ZNF560: variants seen among roughly 807,000 people sequenced by gnomAD.
The protein encoded by ZNF560 is zinc finger protein 560.
In ZNF560, 54 loss-of-function variants were observed where a neutral mutation model predicts 81.8. The observed-to-expected ratio is 0.66, with a 90% CI of 0.53 to 0.83. The LOEUF (loss-of-function observed/expected upper bound fraction) is 0.83. Among genes scored for constraint, ZNF560 ranks in the 40% least tolerant of loss-of-function variants. The probability of loss-of-function intolerance (pLI) is 0.00; values close to 1 mark genes in which losing one functional copy is unlikely to be tolerated. For missense variants in ZNF560, 940 were observed against 932.4 expected (o/e 1.01, Z -0.11); for synonymous variants, 321 against 317.9 (o/e 1.01, Z -0.10).
intron 2 of ZNF560, among the ~76,000 whole-genome samples, chr19:9,489,177 G>T (rs1323184322): frequency 6.6e-6 from 1 of 152,238 alleles, no homozygotes; most frequent in African/African-American, 2.4e-5. Flanking sequence ...CACACACAAG[G>T]CTGTCACTTC....
intron 2 of ZNF560, among the ~76,000 whole-genome samples, chr19:9,480,494 C>T (rs543678897): frequency 6.6e-6 from 1 of 151,810 alleles, no homozygotes; most frequent in Non-Finnish European, 1.5e-5. Flanking sequence ...CTTAGAAGAA[C>T]AACAAGAACT....
chr19:9,504,711 C>G, the ZNF560 span, among the ~76,000 whole-genome samples: 50 of 152,292 alleles, frequency 3.3e-4, no homozygotes, highest in African/African-American at 1.1e-3. Flanking sequence ...TAAGTTTTGT[C>G]ATATAACTTT....
At chr19:9,488,561 T>C (rs1416922649) in intron 2 of ZNF560, among the ~76,000 whole-genome samples, 1 of 151,804 alleles carries the variant, frequency 6.6e-6, no homozygotes, top group Non-Finnish European at 1.5e-5. Context: ...TCCTAACTAG[T>C]CCAAAATCCA....
chr19:9,464,075 C>G (rs754474533), downstream of ZNF560, among the ~76,000 whole-genome samples: 1 of 152,178 alleles, frequency 6.6e-6, no homozygotes, highest in Non-Finnish European at 1.5e-5. Flanking sequence ...AAACAACAGC[C>G]TTAATTGCTG....
At chr19:9,499,171 T>C (rs2073609953), upstream of ZNF560, among the ~76,000 whole-genome samples, 1 of 152,140 alleles carries the variant, frequency 6.6e-6, no homozygotes, top group Non-Finnish European at 1.5e-5. Context: ...TTCTTTTTTC[T>C]TTTCTTTTCT....
chr19:9,470,450 A>G lies in ZNF560; in HGVS notation c.390T>C (p.Ala130=), dbSNP rs879028004. The G allele has an allele frequency of 4.3e-6, 7 of 1,614,000 alleles. No individual in the cohort carries two copies. Among genetic ancestry groups the G allele is most frequent in the Non-Finnish European group, 5.9e-6 (7 of 1,180,010 alleles). ...TQEEWTLLDP[A]QRNLYSDVML... is the part of the protein sequence containing the mutation. Reference sequence around the variant, plus strand: ...TCACATCACTGTACAGGTTTCTCTGAGCTGGGTCCAGTAAAGTCCACTCTT... The same window carrying G: ...TCACATCACTGTACAGGTTTCTCTGGGCTGGGTCCAGTAAAGTCCACTCTT... The change falls in exon 7 of 10, where the codon GCT becomes GCC. Residue 130 remains alanine (A), a synonymous_variant. Transcript: ENST00000301480.
At chr19:9,446,496 G>T in the ZNF560 span, among the ~76,000 whole-genome samples, 1 of 152,008 alleles carries the variant, frequency 6.6e-6, no homozygotes, top group Non-Finnish European at 1.5e-5. Flanking sequence ...GGGTTTACCT[G>T]TATAGTAGGC....
downstream of ZNF560, among the ~76,000 whole-genome samples, chr19:9,464,904 C>T (rs1438700331): frequency 6.6e-6 from 1 of 152,120 alleles, no homozygotes; most frequent in African/African-American, 2.4e-5. Context: ...TGCCCAGTTT[C>T]TCATAAGTGT....
At chr19:9,488,515 G>T (rs1371721448) in intron 2 of ZNF560, among the ~76,000 whole-genome samples, 2 of 151,842 alleles carry the variant, frequency 1.3e-5, no homozygotes, top group African/African-American at 4.8e-5. Flanking sequence ...TTCTCCTCAA[G>T]ATCCACACCA....
rs2073105376 is a variant in ZNF560 at position 9,470,538 on chromosome 19, C to T, written c.322-20G>A. The T allele has an allele frequency of 6.2e-7, 1 of 1,614,192 alleles. No individual in the cohort carries two copies. The highest frequency in any genetic ancestry group is 8.5e-7 in the Non-Finnish European group (1 of 1,180,030). On this transcript the variant is annotated intron_variant, in intron 6 of 9. Coordinates refer to ENST00000301480, the MANE Select transcript of ZNF560 (RefSeq NM_152476.3). The stretch of plus-strand genomic sequence containing the variant: ...CAGGTCCTAAACCATCAGACACATG[C>T]TGATTTGAGCCAAGCAACATCTCCA...
chr19:9,501,670 A>G (rs1474441865), upstream of ZNF560, among the ~76,000 whole-genome samples: 1 of 148,356 alleles, frequency 6.7e-6, no homozygotes, highest in Non-Finnish European at 1.5e-5. Flanking sequence ...TAATTTTTGT[A>G]TTTTTTTTTG....
intron 2 of ZNF560, among the ~76,000 whole-genome samples, chr19:9,490,881 C>T (rs1338206567): frequency 2.0e-5 from 3 of 152,148 alleles, no homozygotes; most frequent in Admixed American, 6.5e-5. Context: ...GAAGTCACAT[C>T]GACTTTGGAG....
chr19:9,464,494 C>T (rs897695518), downstream of ZNF560, among the ~76,000 whole-genome samples: 12 of 152,180 alleles, frequency 7.9e-5, no homozygotes, highest in African/African-American at 2.9e-4. Context: ...TCTGTTAGTG[C>T]ACCCTTTCTC....
intron 2 of ZNF560, among the ~76,000 whole-genome samples, chr19:9,496,895 C>T (rs562813841): frequency 6.6e-6 from 1 of 151,864 alleles, no homozygotes; most frequent in African/African-American, 2.4e-5. Context: ...GAGATCACAC[C>T]ACTGCACTCC....
chr19:9,458,229 CTT>C, the ZNF560 span, among the ~76,000 whole-genome samples: 16 of 152,314 alleles, frequency 1.1e-4, no homozygotes, highest in Middle Eastern at 3.4e-3. Context: ...ATTTAGCTGA[CTT>C]TGTGGGTATT....
chr19:9,465,720 C>T (rs1020591003), downstream of ZNF560, among the ~76,000 whole-genome samples: 41 of 152,172 alleles, frequency 2.7e-4, no homozygotes, highest in South Asian at 4.1e-4. Flanking sequence ...TGGCCAGGCG[C>T]GATGGCTCAC....
chr19:9,500,218 TAC>T (rs2073621143), upstream of ZNF560, among the ~76,000 whole-genome samples: 1 of 151,800 alleles, frequency 6.6e-6, no homozygotes, highest in Non-Finnish European at 1.5e-5. Context: ...ACCCCGTCTC[TAC>T]TAAAGATACA....
At chr19:9,485,248 C>T (rs974806938) in intron 2 of ZNF560, among the ~76,000 whole-genome samples, 4 of 152,062 alleles carry the variant, frequency 2.6e-5, no homozygotes, top group African/African-American at 9.7e-5. Flanking sequence ...GCCAATATCC[C>T]TAAGTATACA....
downstream of ZNF560, among the ~76,000 whole-genome samples, chr19:9,464,232 T>C (rs2072979753): frequency 6.6e-6 from 1 of 151,814 alleles, no homozygotes; most frequent in African/African-American, 2.4e-5. Flanking sequence ...ATCATCCATG[T>C]TCACAGGAGT....
Sources: allele counts gnomAD v4.1 joint callset (sites outside exome capture counted in the v4.1 genomes callset), GRCh38; gene constraint gnomAD v4.1.1; transcripts MANE v1.5; gene names NCBI Gene and HGNC (gene_info 2026-07-23, HGNC 2026-07-21).